Variants in IL1RAPL2 observed in about 807,000 individuals in gnomAD.
IL1RAPL2 encodes interleukin 1 receptor accessory protein like 2.
Under a neutral mutation model 44.1 loss-of-function variants are expected in IL1RAPL2, and 3 were observed. That is an observed-to-expected ratio of 0.07 (90% confidence interval 0.03 to 0.18). The LOEUF (loss-of-function observed/expected upper bound fraction) is 0.18, where lower values mean the gene tolerates loss of function less well. Among genes scored for constraint, IL1RAPL2 ranks in the 10% least tolerant of loss-of-function variants. The probability of loss-of-function intolerance (pLI) is 1.00; values close to 1 mark genes in which losing one functional copy is unlikely to be tolerated. For synonymous variants in IL1RAPL2, 181 were observed against 178.8 expected, an observed-to-expected ratio of 1.01 and a Z score of -0.10; for missense variants, 391 against 496.4, an observed-to-expected ratio of 0.79 and a Z score of 2.02.
At chrX:105,132,987 TA>T (rs771009554) in intron 2 of IL1RAPL2, among the ~76,000 whole-genome samples, 1 of 112,190 alleles carries the variant, frequency 8.9e-6, no homozygotes, top group Admixed American at 9.4e-5. Context: ...ATGTATTCAA[TA>T]AAAATGTTTC....
intron 2 of IL1RAPL2, among the ~76,000 whole-genome samples, chrX:104,693,320 A>G (rs1461443245): frequency 9.0e-6 from 1 of 111,173 alleles, no homozygotes; most frequent in Admixed American, 9.6e-5. Context: ...ACCTTTCTTC[A>G]TTCTGTCACT....
intron 2 of IL1RAPL2, among the ~76,000 whole-genome samples, chrX:105,081,683 AG>A (rs1306661342): frequency 3.6e-5 from 4 of 111,707 alleles, no homozygotes; most frequent in African/African-American, 1.3e-4. Context: ...TTTAGTGTGA[AG>A]GGCTGTTGAA....
At chrX:105,698,713 G>A (rs1250479499) in intron 6 of IL1RAPL2, among the ~76,000 whole-genome samples, 1 of 111,993 alleles carries the variant, frequency 8.9e-6, no homozygotes, top group Non-Finnish European at 1.9e-5. Context: ...GAAATATAGA[G>A]AGCTAAAATC....
At chrX:104,779,354 CT>C (rs773776893) in intron 2 of IL1RAPL2, among the ~76,000 whole-genome samples, 13 of 111,836 alleles carry the variant, frequency 1.2e-4, no homozygotes, top group East Asian at 1.1e-3. Context: ...TTTGCATCGT[CT>C]TCCAGGTACA....
At position 105,301,998 on chromosome X, in the gene IL1RAPL2, G is replaced by A. The variant is rs748500840; in HGVS notation, c.697+34457G>A. On this transcript the variant is annotated intron_variant, in intron 5 of 10. Transcript: ENST00000372582. ...TCCACCAACAGTGGATGAGGGTTCTGTTTTCTCCACATCCTTGCCAGCATT... is the reference window on the plus strand; with the variant it reads ...TCCACCAACAGTGGATGAGGGTTCTATTTTCTCCACATCCTTGCCAGCATT... 5.2e-3 allele frequency among the ~76,000 whole-genome samples: 584 copies of A among 111,877 alleles called. 2 individuals carry two copies. Among genetic ancestry groups the A allele is most frequent in the Non-Finnish European group, 7.2e-3 (383 of 53,121 alleles).
intron 1 of IL1RAPL2, among the ~76,000 whole-genome samples, chrX:104,649,010 T>G (rs1380299642): frequency 9.0e-6 from 1 of 111,555 alleles, no homozygotes; most frequent in East Asian, 2.8e-4. Flanking sequence ...CTCTTATCTA[T>G]TCCCCTTTTT....
chrX:105,239,134 A>G (rs781964401), intron 4 of IL1RAPL2, among the ~76,000 whole-genome samples: 8 of 111,776 alleles, frequency 7.2e-5, no homozygotes, highest in Non-Finnish European at 1.3e-4. Flanking sequence ...CTGAATCTCT[A>G]TAATACCTGA....
At chrX:105,319,377 A>G (rs985463448) in intron 5 of IL1RAPL2, among the ~76,000 whole-genome samples, 9 of 111,840 alleles carry the variant, frequency 8.0e-5, no homozygotes, top group Non-Finnish European at 1.7e-4. Flanking sequence ...TTGCAAATTC[A>G]GGCATCCAAA....
chrX:105,759,399 G>A (rs1034580013), intron 10 of IL1RAPL2, among the ~76,000 whole-genome samples: 3 of 111,782 alleles, frequency 2.7e-5, no homozygotes, highest in Admixed American at 9.5e-5. Flanking sequence ...ATCCTTGGAA[G>A]GTTTTTACCT....
At chrX:104,921,290 C>A (rs1482404904) in intron 2 of IL1RAPL2, among the ~76,000 whole-genome samples, 1 of 105,418 alleles carries the variant, frequency 9.5e-6, no homozygotes, top group Non-Finnish European at 2.0e-5. Flanking sequence ...ACAGGTCCTG[C>A]TGTCTGCTAG....
chrX:105,169,826 G>A (rs1015846085), intron 2 of IL1RAPL2, among the ~76,000 whole-genome samples: 45 of 109,687 alleles, frequency 4.1e-4, no homozygotes, highest in Non-Finnish European at 7.4e-4. Flanking sequence ...CATCACTCCT[G>A]GGCCCAGATT....
At chrX:105,561,700 A>G (rs1219853603) in intron 6 of IL1RAPL2, among the ~76,000 whole-genome samples, 2 of 112,121 alleles carry the variant, frequency 1.8e-5, no homozygotes, top group African/African-American at 6.5e-5. Flanking sequence ...TACAGTGCCT[A>G]TGCTTCATTT....
chrX:104,669,656 T>C (rs1930554958), intron 2 of IL1RAPL2, among the ~76,000 whole-genome samples: 1 of 111,611 alleles, frequency 9.0e-6, no homozygotes, highest in South Asian at 3.7e-4. Context: ...GGTTTTTTGT[T>C]CATCTATTTG....
chrX:104,923,870 A>T (rs201010575), intron 2 of IL1RAPL2, among the ~76,000 whole-genome samples: 707 of 27,088 alleles, frequency 0.026, 14 homozygotes, highest in African/African-American at 0.098. Context: ...AGTTGGATTT[A>T]AAAAAAAAAA....
intron 6 of IL1RAPL2, among the ~76,000 whole-genome samples, chrX:105,535,491 C>T (rs970057672): frequency 3.9e-4 from 44 of 112,102 alleles, no homozygotes; most frequent in African/African-American, 1.0e-3. Context: ...TAGGTTCACA[C>T]ATAAACACAC....
chrX:105,666,084 T>TG (rs1212761779), intron 6 of IL1RAPL2, among the ~76,000 whole-genome samples: 1 of 39,670 alleles, frequency 2.5e-5, no homozygotes. Flanking sequence ...AAAAATGGGT[T>TG]TTTTTTTTTT....
chrX:105,429,415 G>T (rs1379589481), intron 5 of IL1RAPL2, among the ~76,000 whole-genome samples: 1 of 111,799 alleles, frequency 8.9e-6, no homozygotes, highest in East Asian at 2.8e-4. Context: ...ATCAAATTTG[G>T]TGACATTAAA....
At chrX:104,823,570 G>T (rs759225601) in intron 2 of IL1RAPL2, among the ~76,000 whole-genome samples, 6 of 107,996 alleles carry the variant, frequency 5.6e-5, no homozygotes, top group African/African-American at 2.0e-4. Context: ...ACGTGTGCAT[G>T]TGTCTTTATA....
intron 2 of IL1RAPL2, among the ~76,000 whole-genome samples, chrX:104,856,836 A>G (rs1299432128): frequency 8.9e-6 from 1 of 112,534 alleles, no homozygotes; most frequent in Non-Finnish European, 1.9e-5. Context: ...TAAAATTTAT[A>G]GAGGAAATGA....
Sources: allele counts gnomAD v4.1 joint callset (sites outside exome capture counted in the v4.1 genomes callset), GRCh38; gene constraint gnomAD v4.1.1; transcripts MANE v1.5; gene names NCBI Gene and HGNC (gene_info 2026-07-23, HGNC 2026-07-21).